SFRP5: variants seen among roughly 807,000 people sequenced by gnomAD.
SFRP5 encodes the protein secreted frizzled related protein 5, also known as secreted frizzled-related protein 5.
In SFRP5, 22 loss-of-function variants were observed where a neutral mutation model predicts 27.0. The ratio of observed to expected loss-of-function variants is 0.82; its 90% CI spans 0.58 to 1.17. The LOEUF (loss-of-function observed/expected upper bound fraction) is 1.17. Ranked by LOEUF, SFRP5 falls within the 50% of genes most tolerant of loss-of-function variation. The pLI is 0.00. For missense variants in SFRP5, 406 were observed against 436.6 expected (o/e 0.93, Z 0.63); for synonymous variants, 171 against 195.0 (o/e 0.88, Z 1.03).
rs544401395 is a variant in SFRP5 at position 97,768,058 on chromosome 10, C to G, written c.608-198G>C. On this transcript the variant is annotated intron_variant, in intron 2 of 2. Transcript: ENST00000266066. ...TGCTGCACTCTCAAGGACAGCATCA[C>G]GTTTCATCCTCAAGGTACAGAAGAG... is the stretch of plus-strand genomic sequence containing the variant. Among the ~76,000 whole-genome samples the G allele has an allele frequency of 3.9e-5, 6 of 152,204 alleles. No homozygotes were observed. The East Asian group carries it at 1.2e-3, about 29-fold the overall frequency.
Position 97,771,738 on chromosome 10 carries a change from G to C in SFRP5, c.96C>G (p.Tyr32Ter). The change falls in exon 1 of 3, where the codon TAC becomes TAG. Residue 32 changes from tyrosine (Y) to a stop codon, truncating the protein, a stop_gained. Transcript: ENST00000266066. LOFTEE classifies it high-confidence loss of function. This position sits in a 1 kb window ranked among gnomAD's most constrained non-coding sequence, Gnocchi z 5.2. ...GCTCGGCCTGCCAGCCATAGTAGTC[G>C]TACTCCTCGCAGCGCGCCGGCGCCC... ...LHWAPARCEE[Y>*]DYYGWQAEPL... The C allele has an allele frequency of 6.3e-7, 1 of 1,594,566 alleles. No individual in the cohort carries two copies.
At chr10:97,769,435 G>A (rs1334945823) in intron 2 of SFRP5, among the ~76,000 whole-genome samples, 1 of 152,240 alleles carries the variant, frequency 6.6e-6, no homozygotes, top group Non-Finnish European at 1.5e-5. Context: ...TGGTTTCTGA[G>A]GCCCAAGGCC....
rs570754886 is a variant in SFRP5, at chr10:97,767,529, C to T, written c.939G>A (p.Ala313=). The part of the protein sequence containing the change: ...CSLYYPFFYG[A]AEPH Reference sequence around the variant, plus strand: ...GGAGTGCCCTTCAGTGGGGCTCTGCCGCCCCGTAGAAGAAAGGGTAGTAGA... The same window carrying T: ...GGAGTGCCCTTCAGTGGGGCTCTGCTGCCCCGTAGAAGAAAGGGTAGTAGA... The change falls in exon 3 of 3, where the codon GCG becomes GCA. Residue 313 remains alanine (A), a synonymous_variant. Transcript: ENST00000266066. 42 of 1,606,670 alleles carry T rather than the reference C, an allele frequency of 2.6e-5. No individual in the cohort carries two copies. Among genetic ancestry groups the T allele is most frequent in the South Asian group, 4.4e-5 (4 of 90,128 alleles).
At position 97,767,416 on chromosome 10, in the gene SFRP5, C is replaced by A. The variant is rs553785514; in HGVS notation, c.*98G>T. 10 of 924,130 alleles carry A rather than the reference C, an allele frequency of 1.1e-5. No individual in the cohort carries two copies. Among genetic ancestry groups the A allele is most frequent in the African/African-American group, 1.7e-5 (1 of 60,066 alleles). 57.2% of individuals were successfully genotyped at this position (924,130 alleles called of 1,614,324 possible). A position where few individuals can be genotyped will look rare whatever the true frequency, so the allele number is the denominator to read the frequency against. ...TAGGCCTTGTGCCAGTAACAACATTCGTGAAAACACCCTCCAGTAGGGCCG... is the reference window on the plus strand; with the variant it reads ...TAGGCCTTGTGCCAGTAACAACATTAGTGAAAACACCCTCCAGTAGGGCCG... On this transcript the variant is annotated 3_prime_UTR_variant, in exon 3 of 3. Coordinates refer to ENST00000266066, the MANE Select transcript of SFRP5 (RefSeq NM_003015.3).
rs765468327 is a variant in SFRP5 at position 97,771,558 on chromosome 10, C to A, written c.276G>T (p.Trp92Cys). ...GGCAGCGCTTGGCCAGCAGCGGCAG[C>A]CAGCTGCTCGCCTGCTGCTTCACTT... ...LAEVKQQASS[W>C]LPLLAKRCHS... The change falls in exon 1 of 3, where the codon TGG becomes TGT. Residue 92 changes from tryptophan to cysteine, a missense_variant. Coordinates refer to ENST00000266066, the MANE Select transcript of SFRP5 (RefSeq NM_003015.3). The surrounding 1 kb of genome is among the most constrained non-coding windows in gnomAD (Gnocchi z 5.2). The A allele has an allele frequency of 1.2e-6, 2 of 1,611,244 alleles. No homozygotes were observed. The highest frequency in any genetic ancestry group is 2.2e-5 in the East Asian group (1 of 44,768).
In SFRP5 at chr10:97,767,267, T is replaced by C; in HGVS notation, c.*247A>G. On this transcript the variant is annotated 3_prime_UTR_variant, in exon 3 of 3. Coordinates refer to ENST00000266066, the MANE Select transcript of SFRP5 (RefSeq NM_003015.3). ...CTTACCCTCTCCTCCCCTGCCTACT[T>C]TCTGAGACCCTGAGGTCTTCACCCA... is the stretch of plus-strand genomic sequence containing the variant. 4 of 421,270 alleles carry C rather than the reference T, an allele frequency of 9.5e-6. No homozygotes were observed. Among genetic ancestry groups the C allele is most frequent in the Non-Finnish European group, 1.7e-5 (4 of 238,290 alleles). 26.1% of individuals were successfully genotyped at this position (421,270 alleles called of 1,614,324 possible).
At position 97,771,800 on chromosome 10, in the gene SFRP5, T is replaced by G. The variant is rs12775414; in HGVS notation, c.34A>C (p.Thr12Pro). 40 of 1,283,538 alleles carry G rather than the reference T, an allele frequency of 3.1e-5. No homozygotes were observed. In the African/African-American group the frequency reaches 5.7e-4, roughly 18 times the overall value. 79.5% of individuals were successfully genotyped at this position (1,283,538 alleles called of 1,614,324 possible). A position where few individuals can be genotyped will look rare whatever the true frequency, so the allele number is the denominator to read the frequency against. The change falls in exon 1 of 3, where the codon ACG (threonine) becomes CCG (proline). Residue 12 changes from threonine to proline, a missense_variant. Physicochemically the swap from Thr to Pro is conservative, Grantham distance 38. Transcript: ENST00000266066. The surrounding 1 kb of genome is among the most constrained non-coding windows in gnomAD (Gnocchi z 5.2). ...RAAAAGGGVR[T>P]AALALLLGAL... ...CCCAGCAGCAGCGCCAGCGCGGCCGTCCGCACGCCCCCCCCCGCCGCCGCC... is the reference window on the plus strand; with the variant it reads ...CCCAGCAGCAGCGCCAGCGCGGCCGGCCGCACGCCCCCCCCCGCCGCCGCC...
Position 97,771,620 on chromosome 10 carries a change from G to A in SFRP5, c.214C>T (p.Arg72Trp). 8 of 1,609,396 alleles carry A rather than the reference G, an allele frequency of 5.0e-6. No individual in the cohort carries two copies. Among genetic ancestry groups the A allele is most frequent in the Non-Finnish European group, 6.8e-6 (8 of 1,179,576 alleles). Residue 72 changes from arginine (R) to tryptophan (W), a missense_variant, in exon 1 of 3, where the codon CGG (arginine) becomes TGG (tryptophan). Transcript: ENST00000266066. This position sits in a 1 kb window ranked among gnomAD's most constrained non-coding sequence, Gnocchi z 5.2. ...LCHTVGYKRMRLPNLLEHESL... is the reference protein window; with the variant it reads ...LCHTVGYKRMWLPNLLEHESL... Reference sequence around the variant, plus strand: ...TCGTGCTCCAGCAGGTTGGGCAGCCGCATGCGCTTGTAGCCCACCGTGTGG... The same window carrying A: ...TCGTGCTCCAGCAGGTTGGGCAGCCACATGCGCTTGTAGCCCACCGTGTGG...
In SFRP5 at chr10:97,771,699, G is replaced by A. The variant is rs2096633601; in HGVS notation, c.135C>T (p.Arg45=). The A allele has an allele frequency of 6.3e-7, 1 of 1,598,538 alleles. No homozygotes were observed. The highest frequency in any genetic ancestry group is 8.5e-7 in the Non-Finnish European group (1 of 1,179,454). The change falls in exon 1 of 3, where the codon CGC becomes CGT. Residue 45 remains arginine (R), a synonymous_variant. Transcript: ENST00000266066. The surrounding 1 kb of genome is among the most constrained non-coding windows in gnomAD (Gnocchi z 5.2). ...GGCACTGCGGCGGCTTGGAGTAGGA[G>A]CGGCCGTGCAGCGGCTCGGCCTGCC... The part of the protein sequence containing the change: ...YGWQAEPLHG[R]SYSKPPQCLD...
chr10:97,771,535 C>T lies in SFRP5; in HGVS notation c.299G>A (p.Cys100Tyr), dbSNP rs1459174425. 6.2e-7 allele frequency: 1 copy of T among 1,610,724 alleles called. No individual in the cohort carries two copies. Among genetic ancestry groups the T allele is most frequent in the South Asian group, 1.1e-5 (1 of 90,942 alleles). Residue 100 changes from cysteine to tyrosine, a missense_variant, in exon 1 of 3, where the codon TGC (cysteine) becomes TAC (tyrosine). Coordinates refer to ENST00000266066, the MANE Select transcript of SFRP5 (RefSeq NM_003015.3). This position sits in a 1 kb window ranked among gnomAD's most constrained non-coding sequence, Gnocchi z 5.2. ...CAGGAAGACCTGCGTATCCGAGTGG[C>T]AGCGCTTGGCCAGCAGCGGCAGCCA... ...SSWLPLLAKRCHSDTQVFLCS... is the reference protein window; with the variant it reads ...SSWLPLLAKRYHSDTQVFLCS...
Position 97,771,563 on chromosome 10 carries a change from TG to T in SFRP5, c.270del (p.Ser90ArgfsTer88), listed in dbSNP as rs766622616. On this transcript the variant is annotated frameshift_variant, in exon 1 of 3. Coordinates refer to ENST00000266066, the MANE Select transcript of SFRP5 (RefSeq NM_003015.3). LOFTEE classifies it high-confidence loss of function. The surrounding 1 kb of genome is among the most constrained non-coding windows in gnomAD (Gnocchi z 5.2). ...CGCTTGGCCAGCAGCGGCAGCCAGC[TG>T]CTCGCCTGCTGCTTCACTTCGGCCA... ...ESLAEVKQQA[S>X]SWLPLLAKRC... is the part of the protein sequence containing the mutation. 2 of 1,611,386 alleles carry T rather than the reference TG, an allele frequency of 1.2e-6. No homozygotes were observed. Among genetic ancestry groups the T allele is most frequent in the African/African-American group, 2.7e-5 (2 of 74,872 alleles).
Position 97,771,494 on chromosome 10 carries a change from G to C in SFRP5, c.340C>G (p.Pro114Ala). Residue 114 changes from proline to alanine, a missense_variant, in exon 1 of 3, where the codon CCC becomes GCC. By Grantham distance (27) the Pro-to-Ala change is conservative. Transcript: ENST00000266066. This position sits in a 1 kb window ranked among gnomAD's most constrained non-coding sequence, Gnocchi z 5.2. ...TQVFLCSLFA[P>A]VCLDRPIYPC... ...TAGATGGGCCGGTCGAGACAGACGG[G>C]CGCAAAGAGCGAGCACAGGAAGACC... The C allele has an allele frequency of 5.6e-6, 9 of 1,610,592 alleles. No homozygotes were observed. Among genetic ancestry groups the C allele is most frequent in the Non-Finnish European group, 7.6e-6 (9 of 1,177,550 alleles).
Position 97,767,694 on chromosome 10 carries a change from CA to C in SFRP5, c.773del (p.Leu258ArgfsTer34). 6.2e-7 allele frequency: 1 copy of C among 1,614,048 alleles called. No individual in the cohort carries two copies. The highest frequency in any genetic ancestry group is 1.1e-5 in the South Asian group (1 of 91,070). On this transcript the variant is annotated frameshift_variant, in exon 3 of 3. Coordinates refer to ENST00000266066, the MANE Select transcript of SFRP5 (RefSeq NM_003015.3). LOFTEE classifies it high-confidence loss of function. ...CCAGGAAGCTGCCCGCCAGGCTGTC[CA>C]GCTGTGGGCAGGGGCAGCCCGCGCC... ...KNGAGCPCPQ[L>X]DSLAGSFLVM... is the part of the protein sequence containing the mutation.
Position 97,771,771 on chromosome 10 carries a change from C to T in SFRP5, c.63G>A (p.Ala21=). 2 of 1,524,498 alleles carry T rather than the reference C, an allele frequency of 1.3e-6. No individual in the cohort carries two copies. Among genetic ancestry groups the T allele is most frequent in the East Asian group, 2.6e-5 (1 of 38,118 alleles). The allele number at this position is 1,524,498 out of a possible 1,614,324, so 94.4% of individuals were successfully genotyped here. Residue 21 remains alanine (A), a synonymous_variant, in exon 1 of 3, where the codon GCG becomes GCA. Transcript: ENST00000266066. The surrounding 1 kb of genome is among the most constrained non-coding windows in gnomAD (Gnocchi z 5.2). ...RTAALALLLG[A]LHWAPARCEE... ...CGCAGCGCGCCGGCGCCCAGTGCAG[C>T]GCCCCCAGCAGCAGCGCCAGCGCGG...
Position 97,771,128 on chromosome 10 carries a change from TGGGAAGGCGGGAA to T in SFRP5, c.529+164_529+176del, listed in dbSNP as rs910543303. Among the ~76,000 whole-genome samples the T allele has an allele frequency of 7.3e-6, 1 of 137,188 alleles. No homozygotes were observed. Among genetic ancestry groups the T allele is most frequent in the African/African-American group, 2.8e-5 (1 of 35,500 alleles). The allele number at this position is 137,188 out of a possible 152,430, so 90.0% of individuals were successfully genotyped here. On this transcript the variant is annotated intron_variant, in intron 1 of 2. Coordinates refer to ENST00000266066, the MANE Select transcript of SFRP5 (RefSeq NM_003015.3). This position sits in a 1 kb window ranked among gnomAD's most constrained non-coding sequence, Gnocchi z 5.2. ...ACTATGCTGCCACTCCCTGGGGAGGTGGGAAGGCGGGAAGGCTGCGGGGGATAATTCCGGGGAC... is the reference window on the plus strand; with the variant it reads ...ACTATGCTGCCACTCCCTGGGGAGGTGGCTGCGGGGGATAATTCCGGGGAC...
intron 2 of SFRP5, among the ~76,000 whole-genome samples, chr10:97,768,374 G>A (rs142728981): frequency 2.0e-5 from 3 of 152,230 alleles, no homozygotes; most frequent in Non-Finnish European, 4.4e-5. Flanking sequence ...ATGCACACAC[G>A]GTGAGTGTGG....
chr10:97,768,660 A>C (rs1437911063), intron 2 of SFRP5, among the ~76,000 whole-genome samples: 1 of 152,042 alleles, frequency 6.6e-6, no homozygotes, highest in Non-Finnish European at 1.5e-5. Flanking sequence ...GGCTGGAGGC[A>C]CTGAGACCCT....
chr10:97,771,335 A>G lies in SFRP5; in HGVS notation c.499T>C (p.Phe167Leu). The change falls in exon 1 of 3, where the codon TTC (phenylalanine) becomes CTC (leucine). Residue 167 changes from phenylalanine to leucine, a missense_variant. Physicochemically the swap from Phe to Leu is conservative, Grantham distance 22. Transcript: ENST00000266066. The surrounding 1 kb of genome is among the most constrained non-coding windows in gnomAD (Gnocchi z 5.2). ...GGCGCGGTGGCGGGCAGGTGCCCGA[A>G]CTGCACGGCGATGCAGAGGTCGTTG... ...LDNDLCIAVQ[F>L]GHLPATAPPV... 6.3e-7 allele frequency: 1 copy of G among 1,594,706 alleles called. No homozygotes were observed. Among genetic ancestry groups the G allele is most frequent in the Non-Finnish European group, 8.5e-7 (1 of 1,170,944 alleles).
chr10:97,771,445 G>A lies in SFRP5; in HGVS notation c.389C>T (p.Ala130Val). 1 of 1,612,690 alleles carries A rather than the reference G, an allele frequency of 6.2e-7. No homozygotes were observed. The highest frequency in any genetic ancestry group is 1.1e-5 in the South Asian group (1 of 90,990). The change falls in exon 1 of 3, where the codon GCC becomes GTC. Residue 130 changes from alanine to valine, a missense_variant. By Grantham distance (64) the Ala-to-Val change is moderately conservative. Coordinates refer to ENST00000266066, the MANE Select transcript of SFRP5 (RefSeq NM_003015.3). This position sits in a 1 kb window ranked among gnomAD's most constrained non-coding sequence, Gnocchi z 5.2. ...PIYPCRSLCE[A>V]VRAGCAPLME... ...GAGCGGCGCGCAGCCGGCGCGCACG[G>A]CCTCGCACAGCGAGCGGCACGGGTA...
Sources: gnomAD v4.1 joint callset for allele counts (sites outside exome capture counted in the v4.1 genomes callset) on GRCh38, gnomAD v4.1.1 for gene constraint, Gnocchi (gnomAD v3.1) non-coding constraint, MANE v1.5 for transcripts, NCBI Gene and HGNC (gene_info 2026-07-23, HGNC 2026-07-21) for gene names.